ATP12A: variants seen among roughly 807,000 people sequenced by gnomAD.
ATP12A encodes the protein ATPase H+/K+ transporting non-gastric alpha2 subunit, also known as potassium-transporting ATPase alpha chain 2.
A neutral mutation model predicts 111.2 loss-of-function variants in ATP12A; 81 were observed. That is an observed-to-expected ratio of 0.73 (90% CI 0.61 to 0.88). ATP12A has a LOEUF of 0.88. ATP12A is among the 40% of genes least tolerant of loss of function. The pLI, the probability that ATP12A is intolerant of heterozygous loss-of-function variation, is 0.00. For synonymous variants in ATP12A, 498 were observed against 499.8 expected, an observed-to-expected ratio of 1.00 and a Z score of 0.05; for missense variants, 1,196 against 1,313.1, an observed-to-expected ratio of 0.91 and a Z score of 1.38.
chr13:24,707,023 G>A lies in ATP12A; in HGVS notation c.2170G>A (p.Asp724Asn). ...TTTCTCCCTGGGTCCCCCGCCATAG[G>A]ATGCTGTTGTTGCTGTGACCGGGGA... ...LIIVEGCQRQ[D>N]AVVAVTGDGV... The change falls in exon 16 of 23, where the codon GAT (aspartate) becomes AAT (asparagine). Residue 724 changes from aspartate to asparagine, a missense_variant and splice_region_variant. This residue lies in a region of ATP12A where 1,126 missense variants were observed against 1,228.5 expected (regional missense o/e 0.92). Transcript: ENST00000381946. 3 of 1,595,362 alleles carry A rather than the reference G, an allele frequency of 1.9e-6. No homozygotes were observed. Among genetic ancestry groups the A allele is most frequent in the Non-Finnish European group, 2.6e-6 (3 of 1,169,202 alleles).
rs377438653 is a variant in ATP12A, at chr13:24,710,785, C to A, written c.2898-7C>A. The A allele has an allele frequency of 6.2e-7, 1 of 1,613,838 alleles. No homozygotes were observed. The highest frequency in any genetic ancestry group is 1.7e-5 in the Admixed American group (1 of 60,024). Reference sequence around the variant, plus strand: ...CCCAAGTCTGTCTGCTTTTGTGTGTCTTGCAGAAATAAAGTCATCTGGGTG... The same window carrying A: ...CCCAAGTCTGTCTGCTTTTGTGTGTATTGCAGAAATAAAGTCATCTGGGTG... On this transcript the variant is annotated splice_polypyrimidine_tract_variant and splice_region_variant and intron_variant, in intron 20 of 22. Transcript: ENST00000381946.
Position 24,709,643 on chromosome 13 carries a change from CCAT to C in ATP12A, c.2618-36_2618-34del, listed in dbSNP as rs745460784. On this transcript the variant is annotated intron_variant, in intron 18 of 22. Coordinates refer to ENST00000381946, the MANE Select transcript of ATP12A (RefSeq NM_001676.7). ...GACAGGATGAGGCAGTTTCCTGAGG[CCAT>C]CATAGAACCTGTGTCCTATCTCTCT... 3 of 1,606,012 alleles carry C rather than the reference CCAT, an allele frequency of 1.9e-6. No individual in the cohort carries two copies. The East Asian group carries it at 6.7e-5, about 36-fold the overall frequency.
chr13:24,708,946 A>G (rs9507397), intron 17 of ATP12A, among the ~76,000 whole-genome samples: 1,950 of 100,288 alleles, frequency 0.019, 75 homozygotes, highest in African/African-American at 0.042. Context: ...AGAAAGAAAG[A>G]AAGAAAGAAA....
chr13:24,705,842 T>A lies in ATP12A; in HGVS notation c.2019-471T>A, dbSNP rs185327256. 3.9e-5 allele frequency among the ~76,000 whole-genome samples: 6 copies of A among 152,166 alleles called. No individual in the cohort carries two copies. The East Asian group carries it at 5.8e-4, about 15-fold the overall frequency. On this transcript the variant is annotated intron_variant, in intron 14 of 22. Transcript: ENST00000381946. ...ATGCCACCATACCTGGCTAATTTTTTAAAATTTTTTGTAGAGACAGGGGCT... is the reference window on the plus strand; with the variant it reads ...ATGCCACCATACCTGGCTAATTTTTAAAAATTTTTTGTAGAGACAGGGGCT...
intron 11 of ATP12A, among the ~76,000 whole-genome samples, chr13:24,695,045 G>T (rs10219963): frequency 1.5e-4 from 23 of 152,152 alleles, no homozygotes; most frequent in Admixed American, 9.8e-4. Context: ...GTTCGCATCC[G>T]GCCTGTGAGG....
chr13:24,696,414 G>T lies in ATP12A; in HGVS notation c.1512+1836G>T, dbSNP rs183543439. Among the ~76,000 whole-genome samples, 123 of 131,652 alleles carry T rather than the reference G, an allele frequency of 9.3e-4. 15 individuals are homozygous for T. Among genetic ancestry groups the T allele is most frequent in the Non-Finnish European group, 1.3e-3 (81 of 60,910 alleles). The allele number at this position is 131,652 out of a possible 152,430, so 86.4% of individuals were successfully genotyped here. A position where few individuals can be genotyped will look rare whatever the true frequency, so the allele number is the denominator to read the frequency against. On this transcript the variant is annotated intron_variant, in intron 11 of 22. Coordinates refer to ENST00000381946, the MANE Select transcript of ATP12A (RefSeq NM_001676.7). ...TGGCTACACAGAGTGGGACTAGAAAGGGGAGAGGGGGGCCGGGCGCGGTGG... is the reference window on the plus strand; with the variant it reads ...TGGCTACACAGAGTGGGACTAGAAATGGGAGAGGGGGGCCGGGCGCGGTGG...
rs760693820 is a variant in ATP12A at position 24,700,905 on chromosome 13, C to T, written c.1864C>T (p.Arg622Trp). 1.1e-5 allele frequency: 17 copies of T among 1,613,956 alleles called. No individual in the cohort carries two copies. Among genetic ancestry groups the T allele is most frequent in the Non-Finnish European group, 8.5e-6 (10 of 1,180,004 alleles). ...CGTGCCAGATGCAGTCACCAAATGC[C>T]GGAGTGCAGGGATCAAGGTGGGAGT... is the stretch of plus-strand genomic sequence containing the variant. ...STVPDAVTKCRSAGIKVIMVT... is the reference protein window; with the variant it reads ...STVPDAVTKCWSAGIKVIMVT... The change falls in exon 13 of 23, where the codon CGG becomes TGG. Residue 622 changes from arginine (R) to tryptophan (W), a missense_variant. Arg to Trp is a moderately radical substitution (Grantham distance 101). Around this residue, in one of 3 missense-constraint regions of ATP12A, gnomAD observed 1,126 missense variants for 1,228.5 expected, o/e 0.92. Coordinates refer to ENST00000381946, the MANE Select transcript of ATP12A (RefSeq NM_001676.7).
intron 17 of ATP12A, among the ~76,000 whole-genome samples, chr13:24,708,891 A>AG (rs1875792990): frequency 5.0e-5 from 6 of 119,570 alleles, no homozygotes; most frequent in Non-Finnish European, 1.1e-4. Context: ...AGAAAGAGAA[A>AG]GAAAGAAAGG....
chr13:24,711,263 G>C (rs1368248871), intron 21 of ATP12A, 55 bp from the exon 22 acceptor site: 1 of 1,507,592 alleles, frequency 6.6e-7, no homozygotes, highest in Non-Finnish European at 9.0e-7. Context: ...ATTGGGCAGG[G>C]TTGGGCTATC....
intron 11 of ATP12A, among the ~76,000 whole-genome samples, chr13:24,696,770 G>GTTC (rs1875187628): frequency 6.7e-6 from 1 of 149,914 alleles, no homozygotes; most frequent in Non-Finnish European, 1.5e-5. Context: ...GGCTGTGTGA[G>GTTC]TTCCTGCTGA....
intron 12 of ATP12A, among the ~76,000 whole-genome samples, chr13:24,699,671 G>A (rs1382472183): frequency 6.6e-6 from 1 of 152,222 alleles, no homozygotes; most frequent in African/African-American, 2.4e-5. Flanking sequence ...AGGAAGGAAG[G>A]AACCTTAGAA....
Position 24,706,470 on chromosome 13 carries a change from G to A in ATP12A, c.2169+7G>A. 2 of 1,612,812 alleles carry A rather than the reference G, an allele frequency of 1.2e-6. No individual in the cohort carries two copies. ...GGAGGGCTGTCAGAGGCAGGTGGGTGGACAGCAGTGTCCAGAGGACTGACA... is the reference window on the plus strand; with the variant it reads ...GGAGGGCTGTCAGAGGCAGGTGGGTAGACAGCAGTGTCCAGAGGACTGACA... On this transcript the variant is annotated splice_region_variant and intron_variant, in intron 15 of 22. Coordinates refer to ENST00000381946, the MANE Select transcript of ATP12A (RefSeq NM_001676.7).
chr13:24,707,457 G>A, intron 17 of ATP12A, 24 bp downstream of exon 17: 1 of 1,613,856 alleles, frequency 6.2e-7, no homozygotes, highest in Non-Finnish European at 8.5e-7. Flanking sequence ...AAGGGAACAG[G>A]CTGTGATGCC....
chr13:24,690,997 T>C lies in ATP12A; in HGVS notation c.815T>C (p.Met272Thr), dbSNP rs1023956360. The C allele has an allele frequency of 6.8e-6, 11 of 1,614,066 alleles. No homozygotes were observed. Among genetic ancestry groups the C allele is most frequent in the African/African-American group, 2.7e-5 (2 of 74,932 alleles). The change falls in exon 8 of 23, where the codon ATG (methionine) becomes ACG (threonine). Residue 272 changes from methionine to threonine, a missense_variant. Coordinates refer to ENST00000381946, the MANE Select transcript of ATP12A (RefSeq NM_001676.7). Reference protein sequence around the residue: ...TTCLEGTVTGMVINTGDRTII... With the variant: ...TTCLEGTVTGTVINTGDRTII... ...TCCCCTGTAGGCACTGTCACCGGCA[T>C]GGTTATCAACACGGGTGACCGCACC...
chr13:24,690,317 T>C lies in ATP12A; in HGVS notation c.547-21T>C, dbSNP rs1256311934. 13 of 1,612,510 alleles carry C rather than the reference T, an allele frequency of 8.1e-6. No individual in the cohort carries two copies. The Admixed American group carries it at 2.2e-4, about 27-fold the overall frequency. On this transcript the variant is annotated intron_variant, in intron 5 of 22. Transcript: ENST00000381946. ...GTGTCCTTCCAGGGTCTGAGGCATCTGTCATGGTTTTTTTCTGCAGCAAGC... is the reference window on the plus strand; with the variant it reads ...GTGTCCTTCCAGGGTCTGAGGCATCCGTCATGGTTTTTTTCTGCAGCAAGC...
At chr13:24,680,898 GC>G in intron 1 of ATP12A, 146 bp downstream of exon 1, 12 of 1,306,238 alleles carry the variant, frequency 9.2e-6, no homozygotes, top group Non-Finnish European at 9.8e-6. Context: ...TCCTCTGAGC[GC>G]CCCCCGGCCT....
At chr13:24,706,877 T>TAAGA in intron 15 of ATP12A, 146 bp from the exon 16 acceptor site, 1 of 914,538 alleles carries the variant, frequency 1.1e-6, no homozygotes, top group Non-Finnish European at 1.6e-6. Context: ...ATTTCTCATC[T>TAAGA]TTATCTTTTC....
intron 8 of ATP12A, among the ~76,000 whole-genome samples, chr13:24,691,940 C>T (rs1243525704): frequency 6.6e-6 from 1 of 152,124 alleles, no homozygotes; most frequent in Non-Finnish European, 1.5e-5. Flanking sequence ...GCCAAAAGAA[C>T]CCTTTGAGAT....
intron 3 of ATP12A, 130 bp from the exon 4 acceptor site, chr13:24,688,189 C>A (rs1358344337): frequency 2.6e-5 from 26 of 999,342 alleles, no homozygotes; most frequent in Non-Finnish European, 3.6e-5. Flanking sequence ...CTGCTTTTCT[C>A]GGGACCTTCT....
Sources: gnomAD v4.1 joint callset for allele counts (sites outside exome capture counted in the v4.1 genomes callset) on GRCh38, gnomAD v4.1.1 for gene constraint, gnomAD v4.1.1 regional missense constraint, MANE v1.5 for transcripts, NCBI Gene and HGNC (gene_info 2026-07-23, HGNC 2026-07-21) for gene names.